The following EYS variants were observed in gnomAD, a reference collection of about 807,000 sequenced individuals.
EYS encodes the protein protein eyes shut homolog.
In EYS, 250 loss-of-function variants were observed where a neutral mutation model predicts 282.1. The ratio of observed to expected loss-of-function variants is 0.89; its 90% CI spans 0.80 to 0.98. EYS has a LOEUF of 0.98. EYS is among the 50% of genes least tolerant of loss of function. EYS has a pLI of 0.00. For synonymous variants in EYS, 1,355 were observed against 1,282.9 expected (o/e 1.06, Z -1.20); for missense variants, 4,016 against 3,709.0 (o/e 1.08, Z -2.15).
chr6:64,007,769 T>G (rs1056827962), intron 33 of EYS, among the ~76,000 whole-genome samples: 68 of 152,172 alleles, frequency 4.5e-4, no homozygotes, highest in African/African-American at 1.6e-3. Context: ...AGGATCAGGT[T>G]GTTTAATTTC....
chr6:64,585,433 C>G (rs1199900988), intron 26 of EYS, among the ~76,000 whole-genome samples: 1 of 152,064 alleles, frequency 6.6e-6, no homozygotes, highest in South Asian at 2.1e-4. Context: ...CACCATGTAA[C>G]GAACCTGCAC....
intron 15 of EYS, among the ~76,000 whole-genome samples, chr6:64,914,372 C>A (rs976375512): frequency 6.6e-6 from 1 of 151,908 alleles, no homozygotes; most frequent in Non-Finnish European, 1.5e-5. Flanking sequence ...AATATTAGAA[C>A]AATTATTTTC....
At chr6:64,559,635 T>A (rs1765336586) in intron 26 of EYS, among the ~76,000 whole-genome samples, 1 of 152,104 alleles carries the variant, frequency 6.6e-6, no homozygotes, top group Admixed American at 6.6e-5. Flanking sequence ...TTAAAAAGAA[T>A]GCAGTATTTC....
intron 33 of EYS, among the ~76,000 whole-genome samples, chr6:64,055,771 C>T (rs1384225463): frequency 6.6e-6 from 1 of 152,092 alleles, no homozygotes; most frequent in Non-Finnish European, 1.5e-5. Context: ...TCGTAAGAAA[C>T]AGTAGAACAC....
At chr6:64,261,518 C>T (rs551155428) in intron 30 of EYS, among the ~76,000 whole-genome samples, 47 of 152,058 alleles carry the variant, frequency 3.1e-4, no homozygotes, top group African/African-American at 9.2e-4. Context: ...TAAATAGTAA[C>T]GAAAAGTTTT....
intron 5 of EYS, among the ~76,000 whole-genome samples, chr6:65,417,673 T>C (rs1242148674): frequency 6.6e-6 from 1 of 152,082 alleles, no homozygotes; most frequent in Non-Finnish European, 1.5e-5. Context: ...GCTTTTCATC[T>C]ATGTCTTTAA....
chr6:64,838,133 C>T (rs1765444398), intron 19 of EYS, among the ~76,000 whole-genome samples: 1 of 151,684 alleles, frequency 6.6e-6, no homozygotes, highest in African/African-American at 2.4e-5. Context: ...TGTATTATTG[C>T]TTAGTCTTTT....
intron 26 of EYS, among the ~76,000 whole-genome samples, chr6:64,506,796 C>A: frequency 6.6e-6 from 1 of 150,868 alleles, no homozygotes; most frequent in Admixed American, 6.6e-5. Flanking sequence ...GTAGTCCCAG[C>A]TACTGGGGAG....
intron 8 of EYS, among the ~76,000 whole-genome samples, chr6:65,366,892 C>T (rs572250696): frequency 1.3e-4 from 19 of 151,656 alleles, no homozygotes; most frequent in African/African-American, 4.6e-4. Flanking sequence ...AATAACACTC[C>T]AATCTCTGCT....
intron 26 of EYS, among the ~76,000 whole-genome samples, chr6:64,541,992 A>T (rs536977898): frequency 6.6e-6 from 1 of 152,164 alleles, no homozygotes; most frequent in East Asian, 1.9e-4. Context: ...ATTTAGTCAC[A>T]CACCATTTTA....
chr6:63,943,397 G>T (rs1258731179), intron 35 of EYS, among the ~76,000 whole-genome samples: 1 of 152,074 alleles, frequency 6.6e-6, no homozygotes, highest in South Asian at 2.1e-4. Context: ...GCCTAGTGAG[G>T]TAGTTTACAT....
intron 11 of EYS, among the ~76,000 whole-genome samples, chr6:65,310,034 C>T (rs1769112822): frequency 6.6e-6 from 1 of 152,170 alleles, no homozygotes; most frequent in Admixed American, 6.5e-5. Context: ...TCAGGTCCCT[C>T]CCATTGCACT....
chr6:64,613,920 C>A (rs756537325), intron 24 of EYS, among the ~76,000 whole-genome samples: 2 of 152,036 alleles, frequency 1.3e-5, no homozygotes, highest in Non-Finnish European at 2.9e-5. Context: ...ACTATTTTAC[C>A]AGAGCTTAGT....
chr6:65,491,859 G>T (rs968592149), intron 4 of EYS, among the ~76,000 whole-genome samples: 2 of 151,988 alleles, frequency 1.3e-5, no homozygotes, highest in Non-Finnish European at 2.9e-5. Context: ...AGGTCAGTAG[G>T]GTGCGTCCTA....
At chr6:64,319,725 G>GGATA (rs141355099) in intron 29 of EYS, among the ~76,000 whole-genome samples, 102,933 of 151,194 alleles carry the variant, frequency 0.68, 35,078 homozygotes, top group South Asian at 0.71. Flanking sequence ...ATGGATGGAT[G>GGATA]GATAGACAGA....
At chr6:65,544,900 C>CA (rs1768324349) in intron 2 of EYS, among the ~76,000 whole-genome samples, 1 of 151,818 alleles carries the variant, frequency 6.6e-6, no homozygotes, top group Non-Finnish European at 1.5e-5. Flanking sequence ...TACATGTTTA[C>CA]AAAAATCTTC....
At chr6:65,155,734 A>T (rs1234365815) in intron 12 of EYS, among the ~76,000 whole-genome samples, 3 of 151,514 alleles carry the variant, frequency 2.0e-5, no homozygotes, top group African/African-American at 7.2e-5. Context: ...CTATTATGTA[A>T]AAAGCATTGC....
chr6:65,513,555 A>C (rs1217913780), intron 2 of EYS, among the ~76,000 whole-genome samples: 12 of 152,168 alleles, frequency 7.9e-5, no homozygotes, highest in Non-Finnish European at 1.5e-5. Flanking sequence ...AATACTGGCA[A>C]ACCAAATCCA....
At chr6:65,385,695 T>C (rs532809179) in intron 7 of EYS, among the ~76,000 whole-genome samples, 1 of 152,090 alleles carries the variant, frequency 6.6e-6, no homozygotes, top group South Asian at 2.1e-4. Context: ...TAAAATTAAG[T>C]TTGTCCTAAC....
Sources: gnomAD v4.1 joint callset for allele counts (sites outside exome capture counted in the v4.1 genomes callset) on GRCh38, gnomAD v4.1.1 for gene constraint, MANE v1.5 for transcripts, NCBI Gene and HGNC (gene_info 2026-07-23, HGNC 2026-07-21) for gene names.